The following RBFOX2 variants were observed in gnomAD, a reference collection of about 807,000 sequenced individuals.
RBFOX2 encodes RNA binding fox-1 homolog 2, also known as RNA binding protein fox-1 homolog 2.
A neutral mutation model predicts 49.1 loss-of-function variants in RBFOX2; 10 were observed. The observed-to-expected ratio is 0.20, with a 90% CI of 0.13 to 0.35. The LOEUF is 0.35. Among genes scored for constraint, RBFOX2 ranks in the 10% least tolerant of loss-of-function variants. RBFOX2 has a pLI of 1.00. For synonymous variants in RBFOX2, 183 were observed against 187.4 expected, an observed-to-expected ratio of 0.98 and a Z score of 0.19; for missense variants, 323 against 486.9, an observed-to-expected ratio of 0.66 and a Z score of 3.17.
intron 1 of RBFOX2, among the ~76,000 whole-genome samples, chr22:36,005,038 C>T (rs898930115): frequency 6.6e-6 from 1 of 152,170 alleles, no homozygotes; most frequent in African/African-American, 2.4e-5. Context: ...CTCATAACCT[C>T]ATACACATTA....
chr22:35,916,335 G>A (rs113935804), intron 1 of RBFOX2, among the ~76,000 whole-genome samples: 15,655 of 152,214 alleles, frequency 0.1, 1,512 homozygotes, highest in African/African-American at 0.26. Flanking sequence ...AGGCTGGAGT[G>A]TAGTGGCATG....
chr22:35,817,575 G>C (rs903311611), intron 1 of RBFOX2, among the ~76,000 whole-genome samples: 1 of 152,146 alleles, frequency 6.6e-6, no homozygotes, highest in Admixed American at 6.5e-5. Context: ...CCTAAAAGTA[G>C]AGGGTTACCT....
At chr22:35,834,120 G>A (rs1363503050) in intron 1 of RBFOX2, among the ~76,000 whole-genome samples, 2 of 152,144 alleles carry the variant, frequency 1.3e-5, no homozygotes, top group Non-Finnish European at 2.9e-5. Context: ...CCTACAAGGG[G>A]CATTAGAGTA....
At chr22:36,001,854 A>G (rs2058438800) in intron 1 of RBFOX2, among the ~76,000 whole-genome samples, 2 of 152,106 alleles carry the variant, frequency 1.3e-5, no homozygotes. Context: ...ACTTGAGGTC[A>G]AGAGTTCGAG....
At chr22:36,028,817 G>A (rs2059548469) in exon 1 of RBFOX2, among the ~76,000 whole-genome samples, 1 of 152,018 alleles carries the variant, frequency 6.6e-6, no homozygotes, top group Non-Finnish European at 1.5e-5. Context: ...GGAGGAAGGG[G>A]GCGGTCCGGG....
At chr22:35,921,357 C>T (rs1375881034) in intron 1 of RBFOX2, among the ~76,000 whole-genome samples, 1 of 152,216 alleles carries the variant, frequency 6.6e-6, no homozygotes, top group Non-Finnish European at 1.5e-5. Context: ...AAACAGATTA[C>T]TGGACCCCAT....
intron 9 of RBFOX2, among the ~76,000 whole-genome samples, chr22:35,754,550 CAA>C (rs1239102644): frequency 1.3e-5 from 2 of 152,068 alleles, no homozygotes; most frequent in Non-Finnish European, 2.9e-5. Context: ...AGTTAAATAA[CAA>C]AGATGAGTTT....
At chr22:35,746,327 C>G in intron 10 of RBFOX2, 146 bp downstream of exon 12, 2 of 729,228 alleles carry the variant, frequency 2.7e-6, no homozygotes. Flanking sequence ...CAGAGGCCAT[C>G]AAGAGGTCTG....
chr22:35,778,915 AT>A (rs1944533659), intron 3 of RBFOX2, among the ~76,000 whole-genome samples: 1 of 152,152 alleles, frequency 6.6e-6, no homozygotes, highest in African/African-American at 2.4e-5. Flanking sequence ...TATTGCTTTT[AT>A]TTTTTAACTT....
chr22:35,739,096 A>G (rs1467222044), exon 12 of RBFOX2: 1 of 153,794 alleles, frequency 6.5e-6, no homozygotes, highest in Admixed American at 6.5e-5. Flanking sequence ...CGGGTGTCCT[A>G]GGAAGTGATT....
chr22:35,972,027 T>G (rs1162444296), intron 1 of RBFOX2, among the ~76,000 whole-genome samples: 1 of 150,384 alleles, frequency 6.6e-6, no homozygotes, highest in Non-Finnish European at 1.5e-5. Flanking sequence ...AAATCACCCT[T>G]CGGAACATAT....
chr22:35,834,643 G>C (rs1342572881), intron 1 of RBFOX2, among the ~76,000 whole-genome samples: 1 of 152,130 alleles, frequency 6.6e-6, no homozygotes, highest in African/African-American at 2.4e-5. Flanking sequence ...AAACCATATG[G>C]GTACCAGTGG....
At chr22:35,836,475 T>C (rs1214811352) in intron 1 of RBFOX2, 1 of 152,246 alleles carries the variant, frequency 6.6e-6, no homozygotes, top group African/African-American at 2.4e-5. Flanking sequence ...ATGGAACTGG[T>C]GATTCATTAC....
Position 35,862,218 on chromosome 22 carries a change from C to T in RBFOX2, c.-33-52214G>A, listed in dbSNP as rs571421388. Among the ~76,000 whole-genome samples, 51 of 152,122 alleles carry T rather than the reference C, an allele frequency of 3.4e-4. No individual in the cohort carries two copies. The South Asian group carries it at 9.7e-3, about 29-fold the overall frequency. On this transcript the variant is annotated intron_variant, in intron 1 of 13. Transcript: ENST00000359369. ...AATTATCTTGGTTGTGGTGATTTCA[C>T]GGGTATATACATATGCCAAAACCTA...
chr22:35,930,271 G>A (rs553565564), intron 1 of RBFOX2, among the ~76,000 whole-genome samples: 1 of 151,542 alleles, frequency 6.6e-6, no homozygotes, highest in East Asian at 2.0e-4. Flanking sequence ...TTCCCCCGCC[G>A]CAGTCTCCCA....
intron 1 of RBFOX2, among the ~76,000 whole-genome samples, chr22:35,957,853 A>C (rs1240973520): frequency 2.0e-5 from 3 of 152,236 alleles, no homozygotes; most frequent in Admixed American, 2.0e-4. Flanking sequence ...ACTCATTATG[A>C]CTAAATATGC....
chr22:35,791,894 T>C (rs966950689), intron 2 of RBFOX2, among the ~76,000 whole-genome samples: 2 of 152,188 alleles, frequency 1.3e-5, no homozygotes, highest in African/African-American at 2.4e-5. Flanking sequence ...CAACATTTAG[T>C]GTAAGGGACA....
At chr22:36,004,314 C>T (rs1408067751) in intron 1 of RBFOX2, among the ~76,000 whole-genome samples, 2 of 152,180 alleles carry the variant, frequency 1.3e-5, no homozygotes, top group Non-Finnish European at 2.9e-5. Context: ...TCCATTGGAT[C>T]CTTACACATC....
At chr22:35,794,616 C>T (rs1948421643) in intron 2 of RBFOX2, among the ~76,000 whole-genome samples, 1 of 151,812 alleles carries the variant, frequency 6.6e-6, no homozygotes, top group Non-Finnish European at 1.5e-5. Flanking sequence ...CGAGATCACG[C>T]CACTGCACTC....
Sources: gnomAD v4.1 joint callset for allele counts (sites outside exome capture counted in the v4.1 genomes callset) on GRCh38, gnomAD v4.1.1 for gene constraint, MANE v1.5 for transcripts, NCBI Gene and HGNC (gene_info 2026-07-23, HGNC 2026-07-21) for gene names.